The following IGSF10 variants were observed in gnomAD, a reference collection of about 807,000 sequenced individuals.
IGSF10 encodes the protein immunoglobulin superfamily member 10.
In IGSF10, 126 loss-of-function variants were observed where a neutral mutation model predicts 128.2. That is an observed-to-expected ratio of 0.98 (90% CI 0.85 to 1.14). The LOEUF (loss-of-function observed/expected upper bound fraction) is 1.14, where lower values mean the gene tolerates loss of function less well. Ranked by LOEUF, IGSF10 falls within the 50% of genes most tolerant of loss-of-function variation. IGSF10 has a pLI of 0.00. For synonymous variants in IGSF10, 1,185 were observed against 1,146.2 expected, an observed-to-expected ratio of 1.03 and a Z score of -0.68; for missense variants, 3,295 against 3,149.8, an observed-to-expected ratio of 1.05 and a Z score of -1.10.
At chr3:151,497,839 C>T in the IGSF10 span, among the ~76,000 whole-genome samples, 1 of 151,992 alleles carries the variant, frequency 6.6e-6, no homozygotes, top group Non-Finnish European at 1.5e-5. Flanking sequence ...TGTTTGTATC[C>T]TCTTTTATTT....
chr3:151,559,808 C>T, the IGSF10 span, among the ~76,000 whole-genome samples: 2 of 152,064 alleles, frequency 1.3e-5, no homozygotes, highest in Admixed American at 6.6e-5. Context: ...TTGTTATTAG[C>T]AAGAGGACAC....
the IGSF10 span, among the ~76,000 whole-genome samples, chr3:151,536,350 GTC>G: frequency 1.3e-5 from 2 of 152,184 alleles, no homozygotes; most frequent in Non-Finnish European, 2.9e-5. Context: ...GTGACCCTCA[GTC>G]TGAGGTTGAT....
At chr3:151,579,961 A>G in the IGSF10 span, among the ~76,000 whole-genome samples, 2 of 151,986 alleles carry the variant, frequency 1.3e-5, no homozygotes, top group South Asian at 4.2e-4. Context: ...ACCAAAGATA[A>G]AGATAAAATC....
the IGSF10 span, among the ~76,000 whole-genome samples, chr3:151,557,415 A>C: frequency 1.3e-5 from 2 of 152,060 alleles, no homozygotes; most frequent in South Asian, 2.1e-4. Flanking sequence ...AGTTGATGAG[A>C]ATATGTGGGG....
the IGSF10 span, among the ~76,000 whole-genome samples, chr3:151,568,088 C>A: frequency 4.1e-4 from 62 of 152,196 alleles, no homozygotes; most frequent in African/African-American, 1.4e-3. Context: ...GAGTAAAGAC[C>A]CTCTGTTCTG....
chr3:151,453,300 C>T (rs1721597732), intron 5 of IGSF10, 84 bp downstream of exon 5: 2 of 1,044,978 alleles, frequency 1.9e-6, no homozygotes, highest in Non-Finnish European at 2.8e-6. Flanking sequence ...CCTAAATTAC[C>T]CTGGGCTCTC....
In IGSF10 at chr3:151,459,228, C is replaced by CT. The variant is rs1270008015; in HGVS notation, c.-1-519dup. The stretch of plus-strand genomic sequence containing the variant: ...ACATGTTGTTGTATTCCTTTCCAGC[C>CT]TTTTTCATCTATTGTGTGTATATGT... On this transcript the variant is annotated intron_variant, in intron 2 of 7. Coordinates refer to ENST00000282466, the MANE Select transcript of IGSF10 (RefSeq NM_178822.5). Among the ~76,000 whole-genome samples the CT allele has an allele frequency of 4.6e-5, 7 of 152,214 alleles. No individual in the cohort carries two copies. The East Asian group carries it at 1.3e-3, about 29-fold the overall frequency.
At chr3:151,564,288 A>C in the IGSF10 span, among the ~76,000 whole-genome samples, 1 of 152,060 alleles carries the variant, frequency 6.6e-6, no homozygotes, top group Non-Finnish European at 1.5e-5. Flanking sequence ...CCTTTTTTGC[A>C]TCAGTACACA....
chr3:151,529,540 C>T, the IGSF10 span, among the ~76,000 whole-genome samples: 1 of 152,216 alleles, frequency 6.6e-6, no homozygotes, highest in African/African-American at 2.4e-5. Context: ...GTTCTGCAGC[C>T]TCTGCCGGTG....
the IGSF10 span, among the ~76,000 whole-genome samples, chr3:151,496,293 A>G: frequency 6.6e-6 from 1 of 151,092 alleles, no homozygotes; most frequent in Non-Finnish European, 1.5e-5. Context: ...GGTGTGCTGC[A>G]CCCATTAACT....
At chr3:151,510,728 T>C in the IGSF10 span, among the ~76,000 whole-genome samples, 7 of 152,034 alleles carry the variant, frequency 4.6e-5, no homozygotes, top group Non-Finnish European at 7.4e-5. Context: ...AAAAATTAGA[T>C]GAATGGCTAA....
the IGSF10 span, among the ~76,000 whole-genome samples, chr3:151,604,171 T>C: frequency 4.6e-5 from 7 of 152,208 alleles, no homozygotes; most frequent in Admixed American, 4.6e-4. Context: ...AACACAAAGA[T>C]GATTCTAATT....
the IGSF10 span, among the ~76,000 whole-genome samples, chr3:151,504,330 T>A: frequency 5.8e-4 from 89 of 152,322 alleles, no homozygotes; most frequent in East Asian, 0.015. Context: ...GGTTTCATCA[T>A]AGAGTTGGGA....
chr3:151,466,382 G>T, the IGSF10 span, among the ~76,000 whole-genome samples: 2 of 152,150 alleles, frequency 1.3e-5, no homozygotes, highest in African/African-American at 4.8e-5. Context: ...TACTTAGACT[G>T]CACCGAGTCT....
At chr3:151,592,265 A>C in the IGSF10 span, among the ~76,000 whole-genome samples, 1 of 151,810 alleles carries the variant, frequency 6.6e-6, no homozygotes, top group Non-Finnish European at 1.5e-5. Flanking sequence ...CTCCACATAC[A>C]AACGCACACA....
the IGSF10 span, among the ~76,000 whole-genome samples, chr3:151,517,715 G>A: frequency 6.6e-6 from 1 of 151,950 alleles, no homozygotes; most frequent in East Asian, 1.9e-4. Context: ...GGAGGCCATT[G>A]TTCTGGAATG....
chr3:151,447,322 T>C lies in IGSF10; in HGVS notation c.2659A>G (p.Asn887Asp), dbSNP rs375028903. Residue 887 changes from asparagine to aspartate, a missense_variant, in exon 6 of 8, where the codon AAT becomes GAT. Transcript: ENST00000282466. ...GGAAAGACAGTGGATGAATGTTGAT[T>C]GGTTGTGCCTTGTATTTGGCTTGAC... Reference protein sequence around the residue: ...TMSSQIQGTTNQHSSTVFPLL... With the variant: ...TMSSQIQGTTDQHSSTVFPLL... The C allele has an allele frequency of 6.2e-7, 1 of 1,614,216 alleles. No homozygotes were observed. The highest frequency in any genetic ancestry group is 1.1e-5 in the South Asian group (1 of 91,086).
At chr3:151,579,357 G>T in the IGSF10 span, among the ~76,000 whole-genome samples, 1 of 152,122 alleles carries the variant, frequency 6.6e-6, no homozygotes, top group African/African-American at 2.4e-5. Context: ...GCAATCAAGA[G>T]AACCAGACTC....
At chr3:151,589,255 T>C in the IGSF10 span, among the ~76,000 whole-genome samples, 4 of 152,210 alleles carry the variant, frequency 2.6e-5, no homozygotes, top group Admixed American at 2.0e-4. Context: ...GGAAGAGACA[T>C]GGTTTCTACA....
Sources: allele counts gnomAD v4.1 joint callset (sites outside exome capture counted in the v4.1 genomes callset), GRCh38; gene constraint gnomAD v4.1.1; transcripts MANE v1.5; gene names NCBI Gene and HGNC (gene_info 2026-07-23, HGNC 2026-07-21).